HECW1: variants seen among roughly 807,000 people sequenced by gnomAD.
HECW1 encodes E3 ubiquitin-protein ligase HECW1.
A neutral mutation model predicts 182.3 loss-of-function variants in HECW1; 61 were observed. The ratio of observed to expected loss-of-function variants is 0.33; its 90% confidence interval spans 0.27 to 0.41. The LOEUF is 0.41. Ranked by LOEUF, HECW1 falls within the 10% of genes least tolerant of loss-of-function variation. HECW1 has a pLI of 1.00. For synonymous variants in HECW1, 859 were observed against 832.6 expected, an observed-to-expected ratio of 1.03 and a Z score of -0.55; for missense variants, 1,739 against 2,108.9, an observed-to-expected ratio of 0.82 and a Z score of 3.44.
In HECW1 at chr7:43,264,714, G is replaced by A. The variant is rs188225943; in HGVS notation, c.27+20782G>A. The stretch of plus-strand genomic sequence containing the variant: ...AAAAAATTAGCCAGGTGTGGTGGCG[G>A]GCACCTGTAGTCTCAGTTACTCCGG... On this transcript the variant is annotated intron_variant, in intron 3 of 29. Transcript: ENST00000395891. 2.9e-3 allele frequency among the ~76,000 whole-genome samples: 434 copies of A among 152,014 alleles called. 1 individual carries two copies. The highest frequency in any genetic ancestry group is 8.9e-3 in the African/African-American group (368 of 41,464).
intron 3 of HECW1, among the ~76,000 whole-genome samples, chr7:43,256,037 T>C (rs923659044): frequency 6.6e-6 from 1 of 152,238 alleles, no homozygotes; most frequent in Non-Finnish European, 1.5e-5. Flanking sequence ...TGGCTAAAAC[T>C]GTCCTTTTAA....
intron 2 of HECW1, among the ~76,000 whole-genome samples, chr7:43,162,742 G>A (rs189545907): frequency 2.6e-3 from 393 of 152,262 alleles, no homozygotes; most frequent in Non-Finnish European, 4.6e-3. Context: ...TAATACAGAG[G>A]TAGTGGTCCC....
chr7:43,119,477 T>C (rs1223689618), intron 2 of HECW1, among the ~76,000 whole-genome samples: 2 of 152,154 alleles, frequency 1.3e-5, no homozygotes, highest in Non-Finnish European at 2.9e-5. Flanking sequence ...TAAATGCGGG[T>C]ACGGGGATTC....
intron 2 of HECW1, among the ~76,000 whole-genome samples, chr7:43,168,911 T>C (rs1180401764): frequency 6.6e-6 from 1 of 152,180 alleles, no homozygotes; most frequent in Non-Finnish European, 1.5e-5. Flanking sequence ...AGGAAATTTC[T>C]CATTGTTCAC....
intron 24 of HECW1, among the ~76,000 whole-genome samples, chr7:43,528,119 G>C (rs2080832380): frequency 6.6e-6 from 1 of 152,210 alleles, no homozygotes; most frequent in South Asian, 2.1e-4. Context: ...AAGGCTGCTT[G>C]CCTGGATAAC....
intron 24 of HECW1, among the ~76,000 whole-genome samples, chr7:43,539,079 G>C (rs556610679): frequency 9.9e-4 from 150 of 152,238 alleles, no homozygotes; most frequent in African/African-American, 3.4e-3. Context: ...CTTGATTTTA[G>C]TAATAGAATT....
At chr7:43,343,400 C>T (rs949516292) in intron 5 of HECW1, among the ~76,000 whole-genome samples, 1 of 151,516 alleles carries the variant, frequency 6.6e-6, no homozygotes, top group Non-Finnish European at 1.5e-5. Flanking sequence ...GGTATTTCTC[C>T]TAATGCTATC....
chr7:43,333,757 C>T (rs921354165), intron 5 of HECW1, among the ~76,000 whole-genome samples: 55 of 152,176 alleles, frequency 3.6e-4, no homozygotes, highest in African/African-American at 1.3e-3. Context: ...GAGGAAGAGA[C>T]AGGGAAATGC....
At chr7:43,556,071 G>A (rs1363571246) in intron 29 of HECW1, among the ~76,000 whole-genome samples, 1 of 152,188 alleles carries the variant, frequency 6.6e-6, no homozygotes, top group Non-Finnish European at 1.5e-5. Flanking sequence ...AACACGGCCT[G>A]ATAGTAACTA....
At chr7:43,457,334 A>AAGTTT (rs2077435402) in intron 13 of HECW1, among the ~76,000 whole-genome samples, 1 of 152,212 alleles carries the variant, frequency 6.6e-6, no homozygotes, top group Non-Finnish European at 1.5e-5. Context: ...CAAGTATGAA[A>AAGTTT]AGTATGAAGG....
intron 24 of HECW1, among the ~76,000 whole-genome samples, chr7:43,514,097 T>C (rs1321142011): frequency 6.6e-6 from 1 of 151,922 alleles, no homozygotes; most frequent in African/African-American, 2.4e-5. Flanking sequence ...AGTCCCTAAG[T>C]CACAGAGCAG....
At chr7:43,474,237 C>T (rs1467612885) in intron 16 of HECW1, among the ~76,000 whole-genome samples, 1 of 152,146 alleles carries the variant, frequency 6.6e-6, no homozygotes, top group African/African-American at 2.4e-5. Flanking sequence ...ATCACGAGGT[C>T]AGCAGATCGA....
intron 5 of HECW1, among the ~76,000 whole-genome samples, chr7:43,354,570 A>G (rs1457640143): frequency 1.3e-5 from 2 of 152,170 alleles, no homozygotes; most frequent in Non-Finnish European, 2.9e-5. Context: ...CAGAGAAAAG[A>G]ATCAGTGAGC....
At position 43,210,071 on chromosome 7, in the gene HECW1, C is replaced by T. The variant is rs551148706; in HGVS notation, c.-31-33804C>T. On this transcript the variant is annotated intron_variant, in intron 2 of 29. Transcript: ENST00000395891. The stretch of plus-strand genomic sequence containing the variant: ...CTCTTGATGGTTTTAAGTCAACAGC[C>T]GGGGACTGGCAGTTTCCTGGCCTGA... 2.8e-4 allele frequency among the ~76,000 whole-genome samples: 43 copies of T among 152,188 alleles called. No homozygotes were observed. The East Asian group carries it at 3.1e-3, about 11-fold the overall frequency.
At chr7:43,499,665 CTTAAT>C (rs1347143865) in intron 19 of HECW1, among the ~76,000 whole-genome samples, 1 of 151,844 alleles carries the variant, frequency 6.6e-6, no homozygotes, top group Non-Finnish European at 1.5e-5. Flanking sequence ...AAAAAACATC[CTTAAT>C]TTTCCCTATT....
At chr7:43,295,596 G>A (rs1805944562) in intron 3 of HECW1, among the ~76,000 whole-genome samples, 1 of 152,208 alleles carries the variant, frequency 6.6e-6, no homozygotes, top group Admixed American at 6.5e-5. Flanking sequence ...GACAAGACCA[G>A]AGGGCAGGGA....
intron 6 of HECW1, among the ~76,000 whole-genome samples, chr7:43,363,722 G>GC (rs1421041844): frequency 1.4e-4 from 21 of 152,160 alleles, no homozygotes; most frequent in Admixed American, 1.4e-3. Flanking sequence ...ACTGGGAGGA[G>GC]CCCCCTTTGT....
chr7:43,275,690 G>A (rs937447059), intron 3 of HECW1, among the ~76,000 whole-genome samples: 1 of 151,834 alleles, frequency 6.6e-6, no homozygotes, highest in Non-Finnish European at 1.5e-5. Context: ...TCACCAAGTA[G>A]TCTGTTCTTA....
At chr7:43,390,418 G>A (rs977837913) in intron 6 of HECW1, among the ~76,000 whole-genome samples, 2 of 151,894 alleles carry the variant, frequency 1.3e-5, no homozygotes, top group African/African-American at 4.8e-5. Flanking sequence ...GTGCACATCT[G>A]TAGTCCCAGC....
Sources: allele counts gnomAD v4.1 joint callset (sites outside exome capture counted in the v4.1 genomes callset), GRCh38; gene constraint gnomAD v4.1.1; transcripts MANE v1.5; gene names NCBI Gene and HGNC (gene_info 2026-07-23, HGNC 2026-07-21).